The following JAZF1 variants were observed in gnomAD, a reference collection of about 807,000 sequenced individuals.
The protein encoded by JAZF1 is juxtaposed with another zinc finger protein 1.
In JAZF1, 8 loss-of-function variants were observed where a neutral mutation model predicts 26.4. The ratio of observed to expected loss-of-function variants is 0.30; its 90% CI spans 0.18 to 0.55. JAZF1 has a LOEUF of 0.55. Ranked by LOEUF, JAZF1 falls within the 20% of genes least tolerant of loss-of-function variation. The pLI is 0.94. For synonymous variants in JAZF1, 126 were observed against 122.3 expected (o/e 1.03, Z -0.20); for missense variants, 199 against 322.0 (o/e 0.62, Z 2.92).
chr7:28,127,538 C>T (rs1168904552), intron 1 of JAZF1, among the ~76,000 whole-genome samples: 1 of 151,390 alleles, frequency 6.6e-6, no homozygotes, highest in Non-Finnish European at 1.5e-5. Flanking sequence ...CTCATTTCAC[C>T]AGGGAGGTCT....
In JAZF1 at chr7:28,019,015, G is replaced by A. The variant is rs78403298; in HGVS notation, c.116-27034C>T. 2.2e-3 allele frequency among the ~76,000 whole-genome samples: 338 copies of A among 152,268 alleles called. 2 individuals are homozygous for A. In the East Asian group the frequency reaches 0.025, roughly 11 times the overall value. ...CAAAGTCACCTCTGAGCAGCTCCAGGTTACATAAGCCCTGTTTCTCTAACC... is the reference window on the plus strand; with the variant it reads ...CAAAGTCACCTCTGAGCAGCTCCAGATTACATAAGCCCTGTTTCTCTAACC... On this transcript the variant is annotated intron_variant, in intron 1 of 4. Coordinates refer to ENST00000283928, the MANE Select transcript of JAZF1 (RefSeq NM_175061.4).
chr7:27,980,376 GT>G (rs1313084442), intron 2 of JAZF1, among the ~76,000 whole-genome samples: 2 of 151,838 alleles, frequency 1.3e-5, no homozygotes, highest in Non-Finnish European at 2.9e-5. Context: ...AAAATCATAG[GT>G]TTTTTTTCCT....
In JAZF1 at chr7:28,174,313, T is replaced by G. The variant is rs575479893; in HGVS notation, c.115+6150A>C. 5.0e-4 allele frequency among the ~76,000 whole-genome samples: 76 copies of G among 152,268 alleles called. No individual in the cohort carries two copies. The Middle Eastern group carries it at 0.01, about 21-fold the overall frequency. On this transcript the variant is annotated intron_variant, in intron 1 of 4. Coordinates refer to ENST00000283928, the MANE Select transcript of JAZF1 (RefSeq NM_175061.4). ...GGATTTTTAAGGAATTCAGAAACAT[T>G]GTCTCCTGTCTCTCAGACTCAGTCT...
chr7:28,077,888 C>T (rs760289509), intron 1 of JAZF1, among the ~76,000 whole-genome samples: 6 of 152,096 alleles, frequency 3.9e-5, no homozygotes, highest in Admixed American at 6.6e-5. Flanking sequence ...TATGTACATC[C>T]GGGTCCTGAT....
chr7:27,919,091 A>G (rs1250294460), intron 2 of JAZF1, among the ~76,000 whole-genome samples: 2 of 152,226 alleles, frequency 1.3e-5, no homozygotes, highest in Non-Finnish European at 2.9e-5. Context: ...TGATGAAGGT[A>G]GCACTGAAAC....
At chr7:28,173,131 G>A (rs919009885) in intron 1 of JAZF1, among the ~76,000 whole-genome samples, 6 of 152,124 alleles carry the variant, frequency 3.9e-5, no homozygotes, top group Non-Finnish European at 5.9e-5. Flanking sequence ...ATTCAAAAAC[G>A]GCAAGGAATG....
chr7:28,020,803 A>G, intron 1 of JAZF1: 1 of 414,466 alleles, frequency 2.4e-6, no homozygotes, highest in Non-Finnish European at 4.9e-6. Flanking sequence ...CTTCTTTAGG[A>G]GAATTACCAA....
chr7:27,924,724 T>C (rs1562530647), intron 2 of JAZF1, among the ~76,000 whole-genome samples: 1 of 152,238 alleles, frequency 6.6e-6, no homozygotes, highest in Non-Finnish European at 1.5e-5. Flanking sequence ...TGAAGGTACC[T>C]AGAAAAATGA....
intron 1 of JAZF1, among the ~76,000 whole-genome samples, chr7:28,170,498 T>C (rs1783445888): frequency 6.6e-6 from 1 of 152,092 alleles, no homozygotes; most frequent in Non-Finnish European, 1.5e-5. Context: ...AGTTAGCGTC[T>C]TTGGACAATT....
At chr7:27,986,711 G>A (rs1429010885) in intron 2 of JAZF1, among the ~76,000 whole-genome samples, 1 of 147,976 alleles carries the variant, frequency 6.8e-6, no homozygotes, top group Non-Finnish European at 1.5e-5. Context: ...GCCGAGCTGA[G>A]GCTGGACTGT....
chr7:27,882,152 A>G (rs1783782616), intron 3 of JAZF1, among the ~76,000 whole-genome samples: 1 of 152,158 alleles, frequency 6.6e-6, no homozygotes. Flanking sequence ...CTGCCTTAAA[A>G]TAAAACTGAA....
intron 1 of JAZF1, among the ~76,000 whole-genome samples, chr7:28,035,549 A>G (rs1473193924): frequency 1.3e-5 from 2 of 152,106 alleles, no homozygotes; most frequent in Non-Finnish European, 2.9e-5. Flanking sequence ...AATCCACTCA[A>G]TTTTGGTGTA....
chr7:27,998,716 C>T (rs1287338186), intron 1 of JAZF1, among the ~76,000 whole-genome samples: 2 of 152,164 alleles, frequency 1.3e-5, no homozygotes, highest in Non-Finnish European at 2.9e-5. Context: ...ACAATAACAC[C>T]ATCTATTAAA....
At chr7:27,913,372 A>G (rs1784393788) in intron 2 of JAZF1, 4 of 459,166 alleles carry the variant, frequency 8.7e-6, no homozygotes, top group Non-Finnish European at 1.4e-5. Flanking sequence ...AAAAACAACA[A>G]AAGAACCAGA....
chr7:27,977,882 T>A (rs923610578), intron 2 of JAZF1, among the ~76,000 whole-genome samples: 1 of 152,216 alleles, frequency 6.6e-6, no homozygotes, highest in Non-Finnish European at 1.5e-5. Flanking sequence ...TAGGTGATCA[T>A]GGGGCTCACC....
At chr7:28,009,609 G>A (rs1366512486) in intron 1 of JAZF1, among the ~76,000 whole-genome samples, 2 of 151,380 alleles carry the variant, frequency 1.3e-5, no homozygotes, top group South Asian at 2.1e-4. Flanking sequence ...TCAGCCTCCC[G>A]AGTAGGTGGG....
chr7:27,982,035 G>A (rs1438528967), intron 2 of JAZF1, among the ~76,000 whole-genome samples: 1 of 152,256 alleles, frequency 6.6e-6, no homozygotes, highest in Non-Finnish European at 1.5e-5. Context: ...CCAGTCTGCA[G>A]CTCCCAGTGT....
chr7:27,975,338 TA>T (rs1785451522), intron 2 of JAZF1, among the ~76,000 whole-genome samples: 1 of 152,116 alleles, frequency 6.6e-6, no homozygotes, highest in Admixed American at 6.5e-5. Context: ...GGGATAGTGC[TA>T]AATCAGTCAT....
intron 1 of JAZF1, among the ~76,000 whole-genome samples, chr7:28,049,089 C>CTCTCTCTT (rs553919892): frequency 4.8e-5 from 6 of 126,098 alleles, no homozygotes; most frequent in African/African-American, 1.5e-4. Context: ...CTCTCTCTCT[C>CTCTCTCTT]TCTTTCTTTC....
Sources: gnomAD v4.1 joint callset for allele counts (sites outside exome capture counted in the v4.1 genomes callset) on GRCh38, gnomAD v4.1.1 for gene constraint, MANE v1.5 for transcripts, NCBI Gene and HGNC (gene_info 2026-07-23, HGNC 2026-07-21) for gene names.